The following IKZF1 variants were observed in gnomAD, a reference collection of about 807,000 sequenced individuals.
The protein encoded by IKZF1 is DNA-binding protein Ikaros.
Under a neutral mutation model 51.7 loss-of-function variants are expected in IKZF1, and 10 were observed. That is an observed-to-expected ratio of 0.19 (90% CI 0.12 to 0.33). The LOEUF (loss-of-function observed/expected upper bound fraction) is 0.33, where lower values mean the gene tolerates loss of function less well. Ranked by LOEUF, IKZF1 falls within the 10% of genes least tolerant of loss-of-function variation. The pLI is 1.00. For missense variants in IKZF1, 484 were observed against 707.5 expected (o/e 0.68, Z 3.58); for synonymous variants, 280 against 282.3 (o/e 0.99, Z 0.08).
At position 50,319,739 on chromosome 7, in the gene IKZF1, C is replaced by T. The variant is rs555763471; in HGVS notation, c.40+638C>T. ...TTCTATCTGGCCCTGTATCCAGAGG[C>T]GTCAGCCCCAGTAGCAGCTTTCATG... On this transcript the variant is annotated intron_variant, in intron 2 of 7. Transcript: ENST00000331340. 9.2e-5 allele frequency among the ~76,000 whole-genome samples: 14 copies of T among 152,316 alleles called. No individual in the cohort carries two copies. In the South Asian group the frequency reaches 2.7e-3, roughly 29 times the overall value.
intron 2 of IKZF1, among the ~76,000 whole-genome samples, chr7:50,325,616 A>G (rs1042784563): frequency 1.7e-4 from 26 of 152,272 alleles, no homozygotes; most frequent in African/African-American, 6.0e-4. Flanking sequence ...TACTAAAAAA[A>G]TACAAAAATT....
intron 2 of IKZF1, among the ~76,000 whole-genome samples, chr7:50,319,843 G>A (rs1352759160): frequency 6.6e-6 from 1 of 152,214 alleles, no homozygotes; most frequent in Non-Finnish European, 1.5e-5. Flanking sequence ...TTATATTTGA[G>A]AAAGTTCTCA....
Position 50,403,269 on chromosome 7 carries a change from T to C in IKZF1, c.*2642T>C, listed in dbSNP as rs1818451014. The C allele has an allele frequency of 9.0e-6, 2 of 222,420 alleles. No homozygotes were observed. The highest frequency in any genetic ancestry group is 5.7e-5 in the Admixed American group (1 of 17,404). 13.8% of individuals were successfully genotyped at this position (222,420 alleles called of 1,614,324 possible). A position where few individuals can be genotyped will look rare whatever the true frequency, so the allele number is the denominator to read the frequency against. On this transcript the variant is annotated 3_prime_UTR_variant, in exon 8 of 8. Transcript: ENST00000331340. Reference sequence around the variant, plus strand: ...ATGTTTAAAAGGTGGCCATATCATGTACCAAAAGTTGCTGAAGTTTCTCTT... The same window carrying C: ...ATGTTTAAAAGGTGGCCATATCATGCACCAAAAGTTGCTGAAGTTTCTCTT...
At chr7:50,330,722 G>A (rs566320485) in intron 3 of IKZF1, among the ~76,000 whole-genome samples, 2 of 152,314 alleles carry the variant, frequency 1.3e-5, no homozygotes, top group East Asian at 1.9e-4. Flanking sequence ...AGGGGAATTC[G>A]TGGATAAAGG....
chr7:50,376,822 TG>T lies in IKZF1; in HGVS notation c.421+31del. ...AGGCCTGGCTCAGTTTTTCCTTTAG[TG>T]GCCTGGAGAAGGTGCATGGGGTTTG... On this transcript the variant is annotated intron_variant, in intron 4 of 7. Transcript: ENST00000331340. The surrounding 1 kb of genome is among the most constrained non-coding windows in gnomAD (Gnocchi z 4.5). The T allele has an allele frequency of 6.2e-7, 1 of 1,610,466 alleles. No homozygotes were observed. The highest frequency in any genetic ancestry group is 8.5e-7 in the Non-Finnish European group (1 of 1,177,280).
chr7:50,318,949 CTTG>C, intron 1 of IKZF1, 96 bp from the exon 2 acceptor site: 1 of 717,670 alleles, frequency 1.4e-6, no homozygotes, highest in Non-Finnish European at 2.5e-6. Context: ...GCTAGATAAC[CTTG>C]TTGTTAAATA....
At chr7:50,352,673 A>C (rs971429082) in intron 3 of IKZF1, among the ~76,000 whole-genome samples, 2 of 152,176 alleles carry the variant, frequency 1.3e-5, no homozygotes, top group Non-Finnish European at 2.9e-5. Context: ...AAGCGGTGAC[A>C]TTTTCAACCT....
intron 1 of IKZF1, among the ~76,000 whole-genome samples, chr7:50,314,542 T>C (rs1791008352): frequency 6.6e-6 from 1 of 152,226 alleles, no homozygotes; most frequent in South Asian, 2.1e-4. Flanking sequence ...CAGCTATAAA[T>C]TTGGGCTGCT....
chr7:50,314,354 C>T (rs1180086822), intron 1 of IKZF1, among the ~76,000 whole-genome samples: 1 of 152,198 alleles, frequency 6.6e-6, no homozygotes, highest in Non-Finnish European at 1.5e-5. Context: ...TCATGATCCG[C>T]CTGCCTCGGC....
intron 2 of IKZF1, among the ~76,000 whole-genome samples, chr7:50,324,680 C>T (rs2153377451): frequency 6.6e-6 from 1 of 152,306 alleles, no homozygotes; most frequent in Admixed American, 6.5e-5. Flanking sequence ...AGATGTAATT[C>T]TTAAGAAGCG....
At chr7:50,342,927 G>T (rs1400148953) in intron 3 of IKZF1, among the ~76,000 whole-genome samples, 19 of 152,302 alleles carry the variant, frequency 1.2e-4, no homozygotes, top group African/African-American at 4.1e-4. Context: ...GCACAGATTC[G>T]TCATGGAAGC....
intron 3 of IKZF1, among the ~76,000 whole-genome samples, chr7:50,361,134 T>A (rs1448941023): frequency 1.3e-5 from 2 of 152,094 alleles, no homozygotes; most frequent in Admixed American, 1.3e-4. Flanking sequence ...CCTCCAGCCC[T>A]CTTAGTTTTC....
intron 5 of IKZF1, 120 bp from the exon 6 acceptor site, chr7:50,387,225 A>C: frequency 7.5e-7 from 1 of 1,340,796 alleles, no homozygotes; most frequent in Non-Finnish European, 9.8e-7. Context: ...TAACAGTTTT[A>C]GCTCTCAAGG....
chr7:50,391,429 A>G (rs1178471659), intron 6 of IKZF1, among the ~76,000 whole-genome samples: 1 of 152,256 alleles, frequency 6.6e-6, no homozygotes, highest in Non-Finnish European at 1.5e-5. Context: ...TCAAAGGGAC[A>G]TCAATACTTA....
intron 1 of IKZF1, among the ~76,000 whole-genome samples, chr7:50,310,046 C>G (rs1168387693): frequency 6.6e-6 from 1 of 152,144 alleles, no homozygotes; most frequent in Non-Finnish European, 1.5e-5. Context: ...CAAAGAGATT[C>G]ACTGCAAAAA....
chr7:50,358,413 G>A (rs1804167135), intron 3 of IKZF1, among the ~76,000 whole-genome samples: 1 of 152,236 alleles, frequency 6.6e-6, no homozygotes, highest in African/African-American at 2.4e-5. Flanking sequence ...GAAGGCTGTG[G>A]GACGGGGCAG....
At position 50,331,438 on chromosome 7, in the gene IKZF1, C is replaced by CAA. The variant is rs1188513813; in HGVS notation, c.160+3695_160+3696dup. Among the ~76,000 whole-genome samples, 733 of 106,254 alleles carry CAA rather than the reference C, an allele frequency of 6.9e-3. 2 individuals are homozygous for CAA. Among genetic ancestry groups the CAA allele is most frequent in the African/African-American group, 0.013 (396 of 30,262 alleles). The allele number at this position is 106,254 out of a possible 152,430, so 69.7% of individuals were successfully genotyped here. A position where few individuals can be genotyped will look rare whatever the true frequency, so the allele number is the denominator to read the frequency against. On this transcript the variant is annotated intron_variant, in intron 3 of 7. Coordinates refer to ENST00000331340, the MANE Select transcript of IKZF1 (RefSeq NM_006060.6). ...AGAAATGGTGAGAAGCTAAAAGATGCAAAAAAAAAAAAAAAGTGGGAAATT... is the reference window on the plus strand; with the variant it reads ...AGAAATGGTGAGAAGCTAAAAGATGCAAAAAAAAAAAAAAAAAGTGGGAAATT...
chr7:50,380,468 AGACATGGGACTCCAGCACCT>A (rs1811542096), intron 4 of IKZF1, among the ~76,000 whole-genome samples: 3 of 152,088 alleles, frequency 2.0e-5, no homozygotes, highest in Non-Finnish European at 4.4e-5. Context: ...ACCTGGGGAG[AGACATGGGACTCCAGCACCT>A]GCCCAGCACG....
intron 3 of IKZF1, among the ~76,000 whole-genome samples, chr7:50,352,141 A>G (rs948991497): frequency 6.6e-6 from 1 of 152,228 alleles, no homozygotes; most frequent in Non-Finnish European, 1.5e-5. Context: ...TCAACTGTGT[A>G]GTGCTCTTTC....
Sources: gnomAD v4.1 joint callset for allele counts (sites outside exome capture counted in the v4.1 genomes callset) on GRCh38, gnomAD v4.1.1 for gene constraint, Gnocchi (gnomAD v3.1) non-coding constraint, MANE v1.5 for transcripts, NCBI Gene and HGNC (gene_info 2026-07-23, HGNC 2026-07-21) for gene names.